The following OR6C4 variants were observed in gnomAD, a reference collection of about 807,000 sequenced individuals.
OR6C4 encodes olfactory receptor family 6 subfamily C member 4, also known as olfactory receptor 6C4.
A neutral mutation model predicts 15.1 loss-of-function variants in OR6C4; 20 were observed. The observed-to-expected ratio is 1.32, with a 90% confidence interval of 0.93 to 1.92. The LOEUF (loss-of-function observed/expected upper bound fraction) is 1.92, where lower values mean the gene tolerates loss of function less well. Ranked by LOEUF, OR6C4 falls within the 30% of genes most tolerant of loss-of-function variation. OR6C4 has a pLI of 0.00. For synonymous variants in OR6C4, 179 were observed against 134.2 expected, an observed-to-expected ratio of 1.33 and a Z score of -2.31; for missense variants, 491 against 363.2, an observed-to-expected ratio of 1.35 and a Z score of -2.86.
In OR6C4 at chr12:55,551,263, C is replaced by G; in HGVS notation, c.37C>G (p.Leu13Val). 6.2e-7 allele frequency: 1 copy of G among 1,613,238 alleles called. No homozygotes were observed. Among genetic ancestry groups the G allele is most frequent in the Non-Finnish European group, 8.5e-7 (1 of 1,179,590 alleles). The change falls in exon 2 of 2, where the codon CTG (leucine) becomes GTG (valine). Residue 13 changes from leucine (L) to valine (V), a missense_variant. By Grantham distance (32) the Leu-to-Val change is conservative. Coordinates refer to ENST00000641569, the MANE Select transcript of OR6C4 (RefSeq NM_001005494.2). ...NRTMFGEFIL[L>V]GLTNQPELQV... ...AACCATGTTTGGTGAGTTTATTCTACTGGGCCTTACAAATCAACCTGAACT... is the reference window on the plus strand; with the variant it reads ...AACCATGTTTGGTGAGTTTATTCTAGTGGGCCTTACAAATCAACCTGAACT...
Position 55,552,670 on chromosome 12 carries a change from TCTC to T in OR6C4, c.*519_*521del, listed in dbSNP as rs1328771057. 1 of 152,172 alleles carries T rather than the reference TCTC, an allele frequency of 6.6e-6. No individual in the cohort carries two copies. The highest frequency in any genetic ancestry group is 1.5e-5 in the Non-Finnish European group (1 of 68,032). The allele number at this position is 152,172 out of a possible 1,614,324, so 9.4% of individuals were successfully genotyped here. A position where few individuals can be genotyped will look rare whatever the true frequency, so the allele number is the denominator to read the frequency against. On this transcript the variant is annotated 3_prime_UTR_variant, in exon 2 of 2. Coordinates refer to ENST00000641569, the MANE Select transcript of OR6C4 (RefSeq NM_001005494.2). ...CCATCGAGGAGTGAATAATTTTTCT[TCTC>T]CTCCATTTTTTCATCTATATTTCAA...
In OR6C4 at chr12:55,551,418, C is replaced by T. The variant is rs1873855018; in HGVS notation, c.192C>T (p.Phe64=). 3 of 1,613,922 alleles carry T rather than the reference C, an allele frequency of 1.9e-6. No individual in the cohort carries two copies. In the African/African-American group the frequency reaches 4.0e-5, roughly 22 times the overall value. Residue 64 remains phenylalanine (F), a synonymous_variant, in exon 2 of 2, where the codon TTC becomes TTT. Coordinates refer to ENST00000641569, the MANE Select transcript of OR6C4 (RefSeq NM_001005494.2). The stretch of plus-strand genomic sequence containing the variant: ...CCATGTATTTCTTCCTCCGGAATTT[C>T]TCCTTCTTAGAAATTTCCTTCACAT... The part of the protein sequence containing the change: ...QTPMYFFLRN[F]SFLEISFTSI...
rs771677085 is a variant in OR6C4 at position 55,551,666 on chromosome 12, G to A, written c.440G>A (p.Trp147Ter). Residue 147 changes from tryptophan (W) to a stop codon, truncating the protein, a stop_gained, in exon 2 of 2, where the codon TGG becomes TAG. Coordinates refer to ENST00000641569, the MANE Select transcript of OR6C4 (RefSeq NM_001005494.2). LOFTEE classifies it high-confidence loss of function. ...TGCATACAACTAGTGTTCTGCTCCT[G>A]GTTGGGGGGATTCCTAGCAATCTTA... ...RVCIQLVFCSWLGGFLAILPP... is the reference protein window; with the variant it reads ...RVCIQLVFCS 134 of 1,613,726 alleles carry A rather than the reference G, an allele frequency of 8.3e-5. 1 individual carries two copies. In the Admixed American group the frequency reaches 2.2e-3, roughly 26 times the overall value.
Position 55,552,392 on chromosome 12 carries a change from GA to G in OR6C4, c.*240del, listed in dbSNP as rs1440109491. ...ATTAGAGAAGAGTGAATGGGGATCT[GA>G]AAAGGAACAGTTGGAAAGAATTAGT... On this transcript the variant is annotated 3_prime_UTR_variant, in exon 2 of 2. Coordinates refer to ENST00000641569, the MANE Select transcript of OR6C4 (RefSeq NM_001005494.2). The G allele has an allele frequency of 1.4e-5, 5 of 365,374 alleles. No homozygotes were observed. Among genetic ancestry groups the G allele is most frequent in the Non-Finnish European group, 2.4e-5 (5 of 207,226 alleles). The allele number at this position is 365,374 out of a possible 1,614,324, so 22.6% of individuals were successfully genotyped here. A position where few individuals can be genotyped will look rare whatever the true frequency, so the allele number is the denominator to read the frequency against.
In OR6C4 at chr12:55,553,704, C is replaced by T. The variant is rs1251365564; in HGVS notation, c.*1548C>T. ...AAATCATTAAGTTCCCCTACACCCA[C>T]ATTTCTACTAAAACCTATGGTACAG... On this transcript the variant is annotated 3_prime_UTR_variant, in exon 2 of 2. Coordinates refer to ENST00000641569, the MANE Select transcript of OR6C4 (RefSeq NM_001005494.2). The T allele has an allele frequency of 3.9e-5, 6 of 152,264 alleles. No homozygotes were observed. The Middle Eastern group carries it at 0.014, about 345-fold the overall frequency. 9.4% of individuals were successfully genotyped at this position (152,264 alleles called of 1,614,324 possible). A position where few individuals can be genotyped will look rare whatever the true frequency, so the allele number is the denominator to read the frequency against.
In OR6C4 at chr12:55,554,423, A is replaced by C. The variant is rs933047440; in HGVS notation, c.*2267A>C. The C allele has an allele frequency of 6.6e-5, 10 of 152,190 alleles. No homozygotes were observed. The highest frequency in any genetic ancestry group is 5.9e-4 in the Admixed American group (9 of 15,270). The allele number at this position is 152,190 out of a possible 1,614,324, so 9.4% of individuals were successfully genotyped here. Reference sequence around the variant, plus strand: ...TTCTAAATGAGCTTGTCAAAAAAAAAAAAGCAAGTCATATTCTTCTAAAGC... The same window carrying C: ...TTCTAAATGAGCTTGTCAAAAAAAACAAAGCAAGTCATATTCTTCTAAAGC... On this transcript the variant is annotated 3_prime_UTR_variant, in exon 2 of 2. Coordinates refer to ENST00000641569, the MANE Select transcript of OR6C4 (RefSeq NM_001005494.2).
chr12:55,551,683 GCAATCTTACCAC>G lies in OR6C4; in HGVS notation c.463_474del (p.Leu155_Ile158del). 2 of 1,613,796 alleles carry G rather than the reference GCAATCTTACCAC, an allele frequency of 1.2e-6. No homozygotes were observed. The highest frequency in any genetic ancestry group is 1.7e-6 in the Non-Finnish European group (2 of 1,179,862). The stretch of plus-strand genomic sequence containing the variant: ...CTGCTCCTGGTTGGGGGGATTCCTA[GCAATCTTACCAC>G]CAATCATCCTGATGACCCAGGTAGA... On this transcript the variant is annotated inframe_deletion, in exon 2 of 2. Transcript: ENST00000641569.
rs1020131585 is a variant in OR6C4 at position 55,554,672 on chromosome 12, C to A, written c.*2516C>A. Reference sequence around the variant, plus strand: ...TTCTCAGAATCATATTATACCAGTGCTAGGGTGAGGAGACTATGAAAATGA... The same window carrying A: ...TTCTCAGAATCATATTATACCAGTGATAGGGTGAGGAGACTATGAAAATGA... On this transcript the variant is annotated 3_prime_UTR_variant, in exon 2 of 2. Coordinates refer to ENST00000641569, the MANE Select transcript of OR6C4 (RefSeq NM_001005494.2). 2 of 152,076 alleles carry A rather than the reference C, an allele frequency of 1.3e-5. No homozygotes were observed. Among genetic ancestry groups the A allele is most frequent in the African/African-American group, 4.8e-5 (2 of 41,414 alleles). 9.4% of individuals were successfully genotyped at this position (152,076 alleles called of 1,614,324 possible).
chr12:55,551,690 T>C lies in OR6C4; in HGVS notation c.464T>C (p.Leu155Ser), dbSNP rs1168268403. 3 of 1,613,782 alleles carry C rather than the reference T, an allele frequency of 1.9e-6. No individual in the cohort carries two copies. The highest frequency in any genetic ancestry group is 1.3e-5 in the African/African-American group (1 of 74,886). The stretch of plus-strand genomic sequence containing the variant: ...TGGTTGGGGGGATTCCTAGCAATCT[T>C]ACCACCAATCATCCTGATGACCCAG... ...CSWLGGFLAI[L>S]PPIILMTQVD... is the part of the protein sequence containing the mutation. Residue 155 changes from leucine to serine, a missense_variant, in exon 2 of 2, where the codon TTA (leucine) becomes TCA (serine). Physicochemically the swap from Leu to Ser is moderately radical, Grantham distance 145. Transcript: ENST00000641569.
At chr12:55,551,149 T>C (rs1396072259) in intron 1 of OR6C4, 60 bp from the exon 2 acceptor site, 3 of 1,056,012 alleles carry the variant, frequency 2.8e-6, no homozygotes, top group Non-Finnish European at 4.3e-6. Context: ...TAAGATAAGC[T>C]TTATGTCTCC....
At position 55,551,235 on chromosome 12, in the gene OR6C4, C is replaced by T. The variant is rs1873845345; in HGVS notation, c.9C>T (p.Asn3=). ...TTTTCCGAAGGTCAACAATGAAAAA[C>T]AGAACCATGTTTGGTGAGTTTATTC... is the stretch of plus-strand genomic sequence containing the variant. MK[N]RTMFGEFILL... Residue 3 remains asparagine, a synonymous_variant, in exon 2 of 2, where the codon AAC becomes AAT. Coordinates refer to ENST00000641569, the MANE Select transcript of OR6C4 (RefSeq NM_001005494.2). The T allele has an allele frequency of 6.2e-7, 1 of 1,605,774 alleles. No homozygotes were observed. The highest frequency in any genetic ancestry group is 8.5e-7 in the Non-Finnish European group (1 of 1,177,436).
In OR6C4 at chr12:55,553,134, A is replaced by G. The variant is rs907837932; in HGVS notation, c.*978A>G. 1 of 152,148 alleles carries G rather than the reference A, an allele frequency of 6.6e-6. No individual in the cohort carries two copies. The highest frequency in any genetic ancestry group is 1.5e-5 in the Non-Finnish European group (1 of 67,992). The allele number at this position is 152,148 out of a possible 1,614,324, so 9.4% of individuals were successfully genotyped here. ...CCATTTTATAAAGTAAAAAGAATAT[A>G]AAGTGTCAATGCAATCTTATATCTA... On this transcript the variant is annotated 3_prime_UTR_variant, in exon 2 of 2. Transcript: ENST00000641569.
rs545044289 is a variant in OR6C4, at chr12:55,551,348, T to C, written c.122T>C (p.Leu41Pro). Residue 41 changes from leucine to proline, a missense_variant, in exon 2 of 2, where the codon CTG becomes CCG. Physicochemically the swap from Leu to Pro is moderately conservative, Grantham distance 98. Transcript: ENST00000641569. Reference protein sequence around the residue: ...LTYMLSILGNLTIITLTLLDP... With the variant: ...LTYMLSILGNPTIITLTLLDP... ...TACATGCTAAGTATCCTAGGAAATC[T>C]GACTATTATCACCCTCACCTTACTA... 6.2e-7 allele frequency: 1 copy of C among 1,613,796 alleles called. No individual in the cohort carries two copies. The highest frequency in any genetic ancestry group is 1.1e-5 in the South Asian group (1 of 91,058).
rs934696547 is a variant in OR6C4 at position 55,553,590 on chromosome 12, G to A, written c.*1434G>A. 1 of 151,978 alleles carries A rather than the reference G, an allele frequency of 6.6e-6. No homozygotes were observed. The highest frequency in any genetic ancestry group is 1.5e-5 in the Non-Finnish European group (1 of 67,984). 9.4% of individuals were successfully genotyped at this position (151,978 alleles called of 1,614,324 possible). On this transcript the variant is annotated 3_prime_UTR_variant, in exon 2 of 2. Coordinates refer to ENST00000641569, the MANE Select transcript of OR6C4 (RefSeq NM_001005494.2). Reference sequence around the variant, plus strand: ...TATTCTGAGTATCTTGTTTTCTTTGGTTGCTAGCTAGAGATTAGTGATAAT... The same window carrying A: ...TATTCTGAGTATCTTGTTTTCTTTGATTGCTAGCTAGAGATTAGTGATAAT...
chr12:55,551,634 C>A lies in OR6C4; in HGVS notation c.408C>A (p.Ser136Arg). Residue 136 changes from serine (S) to arginine (R), a missense_variant, in exon 2 of 2, where the codon AGC becomes AGA. By Grantham distance (110) the Ser-to-Arg change is moderately radical. Transcript: ENST00000641569. ...TGCATTACCTGACTATTATGAGCAG[C>A]AGAGTCTGCATACAACTAGTGTTCT... is the stretch of plus-strand genomic sequence containing the variant. ...KPLHYLTIMS[S>R]RVCIQLVFCS... is the part of the protein sequence containing the mutation. 6.2e-7 allele frequency: 1 copy of A among 1,613,982 alleles called. No individual in the cohort carries two copies. The highest frequency in any genetic ancestry group is 8.5e-7 in the Non-Finnish European group (1 of 1,179,928).
At position 55,552,213 on chromosome 12, in the gene OR6C4, T is replaced by C; in HGVS notation, c.*57T>C. The stretch of plus-strand genomic sequence containing the variant: ...ACTTAACAAATATGCATTGAATGTC[T>C]ATATTTCAAGTGCTAAATTGGCCCT... On this transcript the variant is annotated 3_prime_UTR_variant, in exon 2 of 2. Coordinates refer to ENST00000641569, the MANE Select transcript of OR6C4 (RefSeq NM_001005494.2). The C allele has an allele frequency of 8.2e-7, 1 of 1,214,672 alleles. No individual in the cohort carries two copies. Among genetic ancestry groups the C allele is most frequent in the Admixed American group, 2.6e-5 (1 of 38,892 alleles). 75.2% of individuals were successfully genotyped at this position (1,214,672 alleles called of 1,614,324 possible). A position where few individuals can be genotyped will look rare whatever the true frequency, so the allele number is the denominator to read the frequency against.
Position 55,553,989 on chromosome 12 carries a change from A to G in OR6C4, c.*1833A>G, listed in dbSNP as rs956188772. ...CTATTATAACTATATTATAAACAAT[A>G]TATTTTTCAAGGAACTGGAGCTTAA... On this transcript the variant is annotated 3_prime_UTR_variant, in exon 2 of 2. Transcript: ENST00000641569. 2 of 152,228 alleles carry G rather than the reference A, an allele frequency of 1.3e-5. No homozygotes were observed. The highest frequency in any genetic ancestry group is 2.9e-5 in the Non-Finnish European group (2 of 68,036). 9.4% of individuals were successfully genotyped at this position (152,228 alleles called of 1,614,324 possible). A position where few individuals can be genotyped will look rare whatever the true frequency, so the allele number is the denominator to read the frequency against.
In OR6C4 at chr12:55,551,490, A is replaced by C; in HGVS notation, c.264A>C (p.Lys88Asn). Residue 88 changes from lysine (K) to asparagine (N), a missense_variant, in exon 2 of 2, where the codon AAA (lysine) becomes AAC (asparagine). Transcript: ENST00000641569. ...RFLTSMTTGN[K>N]VISFAGCLTQ... ...TGACCAGCATGACAACAGGAAATAA[A>C]GTTATCAGCTTTGCTGGCTGCTTGA... 3 of 1,613,938 alleles carry C rather than the reference A, an allele frequency of 1.9e-6. No homozygotes were observed. Among genetic ancestry groups the C allele is most frequent in the Non-Finnish European group, 2.5e-6 (3 of 1,179,946 alleles).
In OR6C4 at chr12:55,551,374, G is replaced by C. The variant is rs1873853028; in HGVS notation, c.148G>C (p.Asp50His). ...GACTATTATCACCCTCACCTTACTAGACCCCCACCTCCAGACCCCCATGTA... is the reference window on the plus strand; with the variant it reads ...GACTATTATCACCCTCACCTTACTACACCCCCACCTCCAGACCCCCATGTA... ...NLTIITLTLLDPHLQTPMYFF... is the reference protein window; with the variant it reads ...NLTIITLTLLHPHLQTPMYFF... The change falls in exon 2 of 2, where the codon GAC becomes CAC. Residue 50 changes from aspartate to histidine, a missense_variant. Transcript: ENST00000641569. 1 of 1,613,582 alleles carries C rather than the reference G, an allele frequency of 6.2e-7. No individual in the cohort carries two copies. The highest frequency in any genetic ancestry group is 1.1e-5 in the South Asian group (1 of 91,062).
Sources: gnomAD v4.1 joint callset for allele counts on GRCh38, gnomAD v4.1.1 for gene constraint, MANE v1.5 for transcripts, NCBI Gene and HGNC (gene_info 2026-07-23, HGNC 2026-07-21) for gene names.